Variants in CLCN3 observed in about 807,000 individuals in gnomAD.
CLCN3 encodes the protein Cl-/H+ antiporter 3.
CLCN3 carries 16 observed loss-of-function variants against 83.4 expected under a neutral mutation model. The observed-to-expected ratio is 0.19, with a 90% CI of 0.13 to 0.29. The LOEUF is 0.29. Ranked by LOEUF, CLCN3 falls within the 10% of genes least tolerant of loss-of-function variation. The pLI is 1.00. For missense variants in CLCN3, 544 were observed against 1,006.0 expected (o/e 0.54, Z 6.21); for synonymous variants, 322 against 346.2 (o/e 0.93, Z 0.78).
intron 12 of CLCN3, among the ~76,000 whole-genome samples, chr4:169,714,849 T>C (rs994416225): frequency 6.6e-6 from 1 of 152,180 alleles, no homozygotes; most frequent in Non-Finnish European, 1.5e-5. Flanking sequence ...GGAGAAGAGA[T>C]GTATTCATAA....
chr4:169,709,544 G>T (rs1398418080), intron 11 of CLCN3, among the ~76,000 whole-genome samples: 2 of 151,990 alleles, frequency 1.3e-5, no homozygotes, highest in Non-Finnish European at 2.9e-5. Context: ...AAATACATGG[G>T]TGTGGTGACG....
At chr4:169,661,791 T>A (rs983553867) in intron 2 of CLCN3, among the ~76,000 whole-genome samples, 5 of 152,160 alleles carry the variant, frequency 3.3e-5, no homozygotes, top group African/African-American at 9.6e-5. Context: ...CAGAGCTTTT[T>A]AAATTTTTTT....
chr4:169,701,438 A>G (rs1306859987), intron 9 of CLCN3, among the ~76,000 whole-genome samples: 1 of 152,168 alleles, frequency 6.6e-6, no homozygotes, highest in Non-Finnish European at 1.5e-5. Flanking sequence ...ACTCCTGTTA[A>G]TATTGATATT....
rs772496354 is a variant in CLCN3, at chr4:169,692,244, A to G, written c.860A>G (p.His287Arg). ...TTAGGAAAAGAAGGTCCCCTGGTACATGTTGCCTGTTGCTGCGGAAATATC... is the reference window on the plus strand; with the variant it reads ...TTAGGAAAAGAAGGTCCCCTGGTACGTGTTGCCTGTTGCTGCGGAAATATC... ...LSLGKEGPLV[H>R]VACCCGNIFS... The change falls in exon 7 of 13, where the codon CAT becomes CGT. Residue 287 changes from histidine to arginine, a missense_variant. By Grantham distance (29) the His-to-Arg change is conservative. Around this residue, in one of 6 missense-constraint regions of CLCN3, gnomAD observed 194 missense variants for 341.4 expected, o/e 0.57. Coordinates refer to ENST00000513761, the MANE Select transcript of CLCN3 (RefSeq NM_001829.4). 3 of 1,613,662 alleles carry G rather than the reference A, an allele frequency of 1.9e-6. No homozygotes were observed. The highest frequency in any genetic ancestry group is 2.5e-6 in the Non-Finnish European group (3 of 1,179,612).
chr4:169,688,992 C>T, intron 4 of CLCN3, 51 bp from the exon 5 acceptor site: 1 of 1,552,428 alleles, frequency 6.4e-7, no homozygotes, highest in Non-Finnish European at 8.8e-7. Flanking sequence ...TTGTTCTCGA[C>T]TCCCAAAAAA....
chr4:169,671,252 G>A (rs563672809), intron 2 of CLCN3, among the ~76,000 whole-genome samples: 1 of 152,182 alleles, frequency 6.6e-6, no homozygotes, highest in African/African-American at 2.4e-5. Context: ...ATATACCATG[G>A]AATACTATGC....
intron 1 of CLCN3, among the ~76,000 whole-genome samples, chr4:169,634,793 C>T (rs1167281258): frequency 6.6e-6 from 1 of 152,046 alleles, no homozygotes; most frequent in African/African-American, 2.4e-5. Context: ...CTGTGCCAGT[C>T]ATTATGCCAG....
chr4:169,684,855 T>C (rs755231396), intron 3 of CLCN3, among the ~76,000 whole-genome samples: 4 of 152,094 alleles, frequency 2.6e-5, no homozygotes, highest in Non-Finnish European at 5.9e-5. Flanking sequence ...ACATACAACA[T>C]TGTCAGTATA....
At chr4:169,686,667 G>A (rs1023067267) in intron 3 of CLCN3, among the ~76,000 whole-genome samples, 12 of 152,040 alleles carry the variant, frequency 7.9e-5, no homozygotes, top group Admixed American at 3.3e-4. Flanking sequence ...CACCTGCTTC[G>A]GACTCCCAAA....
intron 9 of CLCN3, among the ~76,000 whole-genome samples, chr4:169,701,297 T>A (rs923577289): frequency 2.6e-5 from 4 of 152,236 alleles, no homozygotes; most frequent in African/African-American, 9.6e-5. Flanking sequence ...TTCTAGCAAT[T>A]CAGTCACATC....
Position 169,687,687 on chromosome 4 carries a change from G to T in CLCN3, c.348G>T (p.Trp116Cys). ...ACAGCAAAAAGAAAGAATCAGCATGGGAAATGACAAAAAGTTTGTATGATG... is the reference window on the plus strand; with the variant it reads ...ACAGCAAAAAGAAAGAATCAGCATGTGAAATGACAAAAAGTTTGTATGATG... ...RINSKKKESA[W>C]EMTKSLYDAW... The change falls in exon 4 of 13, where the codon TGG becomes TGT. Residue 116 changes from tryptophan (W) to cysteine (C), a missense_variant. Coordinates refer to ENST00000513761, the MANE Select transcript of CLCN3 (RefSeq NM_001829.4). 2 of 1,610,738 alleles carry T rather than the reference G, an allele frequency of 1.2e-6. No individual in the cohort carries two copies. The highest frequency in any genetic ancestry group is 2.2e-5 in the South Asian group (2 of 90,620).
At chr4:169,678,494 T>C (rs1259162264) in intron 2 of CLCN3, among the ~76,000 whole-genome samples, 1 of 152,116 alleles carries the variant, frequency 6.6e-6, no homozygotes, top group African/African-American at 2.4e-5. Context: ...CATAGGACAA[T>C]AGTGGAGGGA....
chr4:169,665,585 A>G (rs1273690206), intron 2 of CLCN3, among the ~76,000 whole-genome samples: 2 of 144,154 alleles, frequency 1.4e-5, no homozygotes, highest in Admixed American at 1.4e-4. Context: ...ATTTCTTATC[A>G]GTAGGGTCAC....
intron 12 of CLCN3, among the ~76,000 whole-genome samples, chr4:169,715,045 T>C (rs752597165): frequency 3.9e-5 from 6 of 152,106 alleles, no homozygotes; most frequent in Non-Finnish European, 8.8e-5. Flanking sequence ...TACAAACTAT[T>C]ATTTGCTTCA....
intron 1 of CLCN3, among the ~76,000 whole-genome samples, chr4:169,632,874 A>T (rs1008493445): frequency 1.1e-4 from 16 of 152,040 alleles, no homozygotes; most frequent in African/African-American, 3.9e-4. Flanking sequence ...GAGCAAACTT[A>T]CTTTTTGGAA....
rs1477058642 is a variant in CLCN3, at chr4:169,620,809, C to T, written c.-271C>T. The stretch of plus-strand genomic sequence containing the variant: ...GCAGAAGCAGGTTGACTCTAGGGAT[C>T]TCCAGAGCGAGAGGATTTAACTTCA... On this transcript the variant is annotated 5_prime_UTR_variant, in exon 1 of 13. Coordinates refer to ENST00000513761, the MANE Select transcript of CLCN3 (RefSeq NM_001829.4). 2.5e-6 allele frequency: 1 copy of T among 398,504 alleles called. No homozygotes were observed. Among genetic ancestry groups the T allele is most frequent in the African/African-American group, 2.1e-5 (1 of 48,604 alleles). 24.7% of individuals were successfully genotyped at this position (398,504 alleles called of 1,614,324 possible). A position where few individuals can be genotyped will look rare whatever the true frequency, so the allele number is the denominator to read the frequency against.
At chr4:169,657,183 C>A (rs560859309) in intron 2 of CLCN3, among the ~76,000 whole-genome samples, 2 of 152,196 alleles carry the variant, frequency 1.3e-5, no homozygotes, top group South Asian at 2.1e-4. Flanking sequence ...GATTAAGATT[C>A]TTTTAAAGGT....
rs776936947 is a variant in CLCN3, at chr4:169,704,032, T to C, written c.1598T>C (p.Ile533Thr). 3.1e-6 allele frequency: 5 copies of C among 1,613,900 alleles called. No individual in the cohort carries two copies. The highest frequency in any genetic ancestry group is 1.3e-5 in the African/African-American group (1 of 74,906). ...PSGLFIPSMA[I>T]GAIAGRIVGI... ...GGCTTGTTCATCCCCAGCATGGCCA[T>C]TGGAGCGATCGCAGGAAGGATTGTG... is the stretch of plus-strand genomic sequence containing the variant. Residue 533 changes from isoleucine (I) to threonine (T), a missense_variant, in exon 10 of 13, where the codon ATT becomes ACT. By Grantham distance (89) the Ile-to-Thr change is moderately conservative. Around this residue, in one of 6 missense-constraint regions of CLCN3, gnomAD observed 194 missense variants for 341.4 expected, o/e 0.57. Transcript: ENST00000513761.
At position 169,687,829 on chromosome 4, in the gene CLCN3, A is replaced by G. The variant is rs28651828; in HGVS notation, c.418+72A>G. 15,952 of 741,702 alleles carry G rather than the reference A, an allele frequency of 0.022. 1,856 individuals are homozygous for G. The African/African-American group carries it at 0.26, about 12-fold the overall frequency. 45.9% of individuals were successfully genotyped at this position (741,702 alleles called of 1,614,324 possible). A position where few individuals can be genotyped will look rare whatever the true frequency, so the allele number is the denominator to read the frequency against. ...AAACTGTTCTTCCCTCCTTCCCTCA[A>G]TTTTTTTTCAGGTACCATTGGATTT... On this transcript the variant is annotated intron_variant, in intron 4 of 12. Transcript: ENST00000513761.
Sources: gnomAD v4.1 joint callset for allele counts (sites outside exome capture counted in the v4.1 genomes callset) on GRCh38, gnomAD v4.1.1 for gene constraint, gnomAD v4.1.1 regional missense constraint, MANE v1.5 for transcripts, NCBI Gene and HGNC (gene_info 2026-07-23, HGNC 2026-07-21) for gene names.